FSTL4: variants seen among roughly 807,000 people sequenced by gnomAD.
The protein encoded by FSTL4 is follistatin-related protein 4.
In FSTL4, 28 loss-of-function variants were observed where a neutral mutation model predicts 78.2. The ratio of observed to expected loss-of-function variants is 0.36; its 90% CI spans 0.27 to 0.49. The LOEUF (loss-of-function observed/expected upper bound fraction) is 0.49, where lower values mean the gene tolerates loss of function less well. Among genes scored for constraint, FSTL4 ranks in the 20% least tolerant of loss-of-function variants. FSTL4 has a pLI of 0.98. For synonymous variants in FSTL4, 422 were observed against 440.5 expected (o/e 0.96, Z 0.53); for missense variants, 922 against 1,084.9 (o/e 0.85, Z 2.11).
At chr5:133,567,546 C>T (rs1227870307) in intron 2 of FSTL4, among the ~76,000 whole-genome samples, 1 of 152,162 alleles carries the variant, frequency 6.6e-6, no homozygotes, top group Non-Finnish European at 1.5e-5. Flanking sequence ...GATGACCCAC[C>T]CTCTGCCTGA....
intron 3 of FSTL4, among the ~76,000 whole-genome samples, chr5:133,490,256 C>T (rs1758229963): frequency 6.6e-6 from 1 of 151,940 alleles, no homozygotes; most frequent in African/African-American, 2.4e-5. Context: ...ACAAACTGAT[C>T]TACTTCTTAG....
chr5:133,435,361 C>G (rs1454022787), intron 3 of FSTL4, among the ~76,000 whole-genome samples: 2 of 152,218 alleles, frequency 1.3e-5, no homozygotes, highest in African/African-American at 4.8e-5. Flanking sequence ...CACAGTAGCA[C>G]CAAAGATGGT....
At position 133,303,679 on chromosome 5, in the gene FSTL4, G is replaced by T. The variant is rs1171422840; in HGVS notation, c.727+8975C>A. 2.6e-5 allele frequency among the ~76,000 whole-genome samples: 4 copies of T among 152,236 alleles called. No individual in the cohort carries two copies. In the East Asian group the frequency reaches 7.7e-4, roughly 29 times the overall value. On this transcript the variant is annotated intron_variant, in intron 6 of 15. Transcript: ENST00000265342. ...CTTGTAGTAGTGGTGGTGGGGTTCT[G>T]CAGGGCACTGTCATGGAGCCTGAGA... is the stretch of plus-strand genomic sequence containing the variant.
chr5:133,755,839 C>T, the FSTL4 span, among the ~76,000 whole-genome samples: 1 of 152,248 alleles, frequency 6.6e-6, no homozygotes, highest in South Asian at 2.1e-4. Context: ...CTTCATCAAA[C>T]TGTGTTCAGC....
At chr5:133,402,135 A>G (rs1444243441) in intron 3 of FSTL4, among the ~76,000 whole-genome samples, 2 of 152,264 alleles carry the variant, frequency 1.3e-5, no homozygotes, top group African/African-American at 4.8e-5. Context: ...CCTTTCTAGC[A>G]CAATGTTGCA....
At chr5:133,603,625 G>A (rs929392195) in intron 2 of FSTL4, among the ~76,000 whole-genome samples, 2 of 152,226 alleles carry the variant, frequency 1.3e-5, no homozygotes, top group Admixed American at 6.5e-5. Context: ...GCTTGGTTTC[G>A]GAATACACTT....
At chr5:133,205,207 TTTAA>T (rs1750457853) in intron 14 of FSTL4, among the ~76,000 whole-genome samples, 1 of 152,256 alleles carries the variant, frequency 6.6e-6, no homozygotes, top group Non-Finnish European at 1.5e-5. Flanking sequence ...GCCTGCTGTA[TTTAA>T]TTAAATGTCT....
chr5:133,771,392 T>C, the FSTL4 span, among the ~76,000 whole-genome samples: 5 of 152,154 alleles, frequency 3.3e-5, no homozygotes, highest in African/African-American at 1.2e-4. Flanking sequence ...ACAATTTCTT[T>C]AATCAGTGTT....
intron 3 of FSTL4, among the ~76,000 whole-genome samples, chr5:133,444,339 T>C (rs905297111): frequency 1.3e-5 from 2 of 152,150 alleles, no homozygotes; most frequent in South Asian, 2.1e-4. Flanking sequence ...CCAGGGCCCA[T>C]GACCAATGAA....
chr5:133,269,184 C>CAAAA (rs869156118), intron 6 of FSTL4, among the ~76,000 whole-genome samples: 57 of 58,134 alleles, frequency 9.8e-4, no homozygotes, highest in Non-Finnish European at 1.5e-3. Context: ...GACTCCATCT[C>CAAAA]AAAAAAAAAA....
At chr5:133,383,818 C>CCTT (rs1437704796) in intron 4 of FSTL4, among the ~76,000 whole-genome samples, 5 of 152,182 alleles carry the variant, frequency 3.3e-5, no homozygotes, top group Non-Finnish European at 7.3e-5. Context: ...ATTTCTCAGA[C>CCTT]AAAAGTATCC....
intron 3 of FSTL4, among the ~76,000 whole-genome samples, chr5:133,535,165 G>A (rs1414399015): frequency 6.6e-6 from 1 of 152,202 alleles, no homozygotes; most frequent in South Asian, 2.1e-4. Flanking sequence ...AAGCCAGGTA[G>A]AGCACCCTCA....
At chr5:133,417,895 G>A (rs1452467989) in intron 3 of FSTL4, among the ~76,000 whole-genome samples, 1 of 148,014 alleles carries the variant, frequency 6.8e-6, no homozygotes, top group African/African-American at 2.5e-5. Flanking sequence ...GGAGGCGGAG[G>A]TTGCAGTGAG....
At chr5:133,556,870 AAGCCACT>A (rs1182538406) in intron 3 of FSTL4, among the ~76,000 whole-genome samples, 3 of 152,214 alleles carry the variant, frequency 2.0e-5, no homozygotes, top group African/African-American at 7.2e-5. Context: ...GAAAGGACTG[AAGCCACT>A]GCCAGGTGAG....
At chr5:133,571,238 T>A (rs1164984029) in intron 2 of FSTL4, among the ~76,000 whole-genome samples, 1 of 152,176 alleles carries the variant, frequency 6.6e-6, no homozygotes. Flanking sequence ...GACCATATAT[T>A]CTCAAATTAT....
intron 13 of FSTL4, among the ~76,000 whole-genome samples, chr5:133,214,370 T>C (rs1750840761): frequency 6.6e-6 from 1 of 152,244 alleles, no homozygotes; most frequent in Non-Finnish European, 1.5e-5. Flanking sequence ...AGTTGGAACA[T>C]GTCCCATTGT....
intron 3 of FSTL4, among the ~76,000 whole-genome samples, chr5:133,434,513 C>T (rs932908313): frequency 6.6e-6 from 1 of 152,162 alleles, no homozygotes; most frequent in Non-Finnish European, 1.5e-5. Flanking sequence ...TAACCAGTCA[C>T]TGCTTGACAT....
chr5:133,513,468 G>A (rs896676416), intron 3 of FSTL4, among the ~76,000 whole-genome samples: 3 of 152,230 alleles, frequency 2.0e-5, no homozygotes, highest in African/African-American at 7.2e-5. Context: ...GAACTGCAGT[G>A]TGTCCTGTGC....
intron 8 of FSTL4, among the ~76,000 whole-genome samples, chr5:133,229,947 A>C (rs1751444290): frequency 6.6e-6 from 1 of 152,214 alleles, no homozygotes; most frequent in Non-Finnish European, 1.5e-5. Flanking sequence ...CTTTGGGAGC[A>C]CAGGGACAGT....
Sources: gnomAD v4.1 joint callset for allele counts (sites outside exome capture counted in the v4.1 genomes callset) on GRCh38, gnomAD v4.1.1 for gene constraint, MANE v1.5 for transcripts, NCBI Gene and HGNC (gene_info 2026-07-23, HGNC 2026-07-21) for gene names.